NADSYN1: variants seen among roughly 807,000 people sequenced by gnomAD.
The protein encoded by NADSYN1 is glutamine-dependent NAD(+) synthetase.
In NADSYN1, 80 loss-of-function variants were observed where a neutral mutation model predicts 99.3. That is an observed-to-expected ratio of 0.81 (90% CI 0.67 to 0.97). The LOEUF (loss-of-function observed/expected upper bound fraction) is 0.97, where lower values mean the gene tolerates loss of function less well. Ranked by LOEUF, NADSYN1 falls within the 50% of genes least tolerant of loss-of-function variation. NADSYN1 has a pLI of 0.00. For missense variants in NADSYN1, 859 were observed against 948.5 expected, an observed-to-expected ratio of 0.91 and a Z score of 1.24; for synonymous variants, 385 against 372.1, an observed-to-expected ratio of 1.03 and a Z score of -0.40.
In NADSYN1 at chr11:71,481,338, G is replaced by A. The variant is rs2120472451; in HGVS notation, c.999-18G>A. On this transcript the variant is annotated intron_variant, in intron 11 of 20. Transcript: ENST00000319023. ...AGGGGCCACCGCCTCCGGGCTCCATGTTCTGATTGCCCTGCAGCCTTGGAC... is the reference window on the plus strand; with the variant it reads ...AGGGGCCACCGCCTCCGGGCTCCATATTCTGATTGCCCTGCAGCCTTGGAC... 5 of 1,613,794 alleles carry A rather than the reference G, an allele frequency of 3.1e-6. No homozygotes were observed. Among genetic ancestry groups the A allele is most frequent in the South Asian group, 1.1e-5 (1 of 91,072 alleles).
chr11:71,480,015 A>G (rs895371796), intron 10 of NADSYN1: 1 of 152,196 alleles, frequency 6.6e-6, no homozygotes, highest in Non-Finnish European at 1.5e-5. Context: ...GAATGTTTCC[A>G]CTTTCTGTCT....
intron 17 of NADSYN1, among the ~76,000 whole-genome samples, chr11:71,491,536 A>G (rs867332259): frequency 1.2e-4 from 18 of 152,122 alleles, no homozygotes; most frequent in Non-Finnish European, 7.4e-5. Flanking sequence ...GACATTCCCT[A>G]CAGCAGAGTC....
At chr11:71,472,300 T>G in intron 5 of NADSYN1, 149 bp from the exon 6 acceptor site, 18 of 680,816 alleles carry the variant, frequency 2.6e-5, no homozygotes, top group East Asian at 7.9e-5. Flanking sequence ...CTGAATGCGA[T>G]TGTTTATTGC....
At chr11:71,468,075 G>A (rs971966477) in intron 5 of NADSYN1, among the ~76,000 whole-genome samples, 4 of 152,200 alleles carry the variant, frequency 2.6e-5, no homozygotes, top group African/African-American at 9.6e-5. Context: ...AAAATCCGAG[G>A]AGAGAGTCAC....
At chr11:71,484,471 C>G (rs1238961438) in intron 15 of NADSYN1, 24 bp downstream of exon 15, 2 of 1,603,390 alleles carry the variant, frequency 1.2e-6, no homozygotes, top group Admixed American at 3.4e-5. Flanking sequence ...GGCCGGCGTC[C>G]CCTGGGGGTG....
intron 5 of NADSYN1, among the ~76,000 whole-genome samples, chr11:71,465,918 A>G (rs1949585779): frequency 2.6e-5 from 4 of 152,188 alleles, no homozygotes; most frequent in South Asian, 4.1e-4. Flanking sequence ...TATAATATAC[A>G]ATGAATTTTC....
At chr11:71,474,706 C>T (rs1591127915) in intron 9 of NADSYN1, 180 bp downstream of exon 9, 1 of 672,614 alleles carries the variant, frequency 1.5e-6, no homozygotes, top group East Asian at 3.0e-5. Flanking sequence ...TGTGGAGAAG[C>T]CCCCGGGGGT....
At chr11:71,466,853 C>A (rs1949594720) in intron 5 of NADSYN1, 1 of 152,130 alleles carries the variant, frequency 6.6e-6, no homozygotes. Flanking sequence ...ATACATTGAG[C>A]CTAAAAACAG....
intron 11 of NADSYN1, chr11:71,481,115 G>A (rs527314266): frequency 1.3e-4 from 84 of 649,266 alleles, no homozygotes; most frequent in South Asian, 3.5e-4. Context: ...GGTGCTGTCC[G>A]TCCATTCTGT....
intron 9 of NADSYN1, 110 bp from the exon 10 acceptor site, chr11:71,478,285 C>A: frequency 6.7e-6 from 6 of 894,950 alleles, no homozygotes; most frequent in Non-Finnish European, 7.1e-6. Flanking sequence ...AATCCAGGGT[C>A]TCAGCCCCTG....
At position 71,484,344 on chromosome 11, in the gene NADSYN1, T is replaced by C; in HGVS notation, c.1352T>C (p.Val451Ala). The C allele has an allele frequency of 6.2e-7, 1 of 1,614,182 alleles. No individual in the cohort carries two copies. The highest frequency in any genetic ancestry group is 1.6e-4 in the Middle Eastern group (1 of 6,062). ...ATCAGTCTCAACATCGATCCAGCCG[T>C]GAAGGCCGTCATGGGCATCTTCAGC... ...HHISLNIDPA[V>A]KAVMGIFSLV... is the part of the protein sequence containing the mutation. The change falls in exon 15 of 21, where the codon GTG becomes GCG. Residue 451 changes from valine (V) to alanine (A), a missense_variant. Coordinates refer to ENST00000319023, the MANE Select transcript of NADSYN1 (RefSeq NM_018161.5).
intron 5 of NADSYN1, chr11:71,464,508 C>T (rs1339502538): frequency 5.9e-6 from 1 of 169,698 alleles, no homozygotes; most frequent in African/African-American, 2.4e-5. Context: ...GGTGTACACA[C>T]TATGCAAATA....
chr11:71,485,845 G>A (rs766902561), intron 16 of NADSYN1, among the ~76,000 whole-genome samples, 197 bp downstream of exon 16: 6 of 152,092 alleles, frequency 3.9e-5, no homozygotes, highest in Non-Finnish European at 5.9e-5. Context: ...GGCTCTGGGC[G>A]CTCACCACTT....
intron 12 of NADSYN1, 79 bp downstream of exon 12, chr11:71,481,483 ATTTTTTT>A: frequency 9.3e-7 from 1 of 1,078,010 alleles, no homozygotes; most frequent in Non-Finnish European, 1.3e-6. Flanking sequence ...CAGGGTAGGG[ATTTTTTT>A]TTTTTTTTTT....
In NADSYN1 at chr11:71,501,642, A is replaced by G. The variant is rs748034346; in HGVS notation, c.*290A>G. 6.7e-6 allele frequency: 3 copies of G among 447,754 alleles called. No homozygotes were observed. Among genetic ancestry groups the G allele is most frequent in the South Asian group, 6.8e-5 (2 of 29,494 alleles). 27.7% of individuals were successfully genotyped at this position (447,754 alleles called of 1,614,324 possible). The stretch of plus-strand genomic sequence containing the variant: ...AAGCCGCCTGGGTAGGAGGGTTCCA[A>G]CCGCCGCCCCGTGTGGCATCTTTGC... On this transcript the variant is annotated 3_prime_UTR_variant, in exon 21 of 21. Coordinates refer to ENST00000319023, the MANE Select transcript of NADSYN1 (RefSeq NM_018161.5).
At position 71,478,445 on chromosome 11, in the gene NADSYN1, G is replaced by C; in HGVS notation, c.849G>C (p.Ala283=). The change falls in exon 10 of 21, where the codon GCG becomes GCC. Residue 283 remains alanine (A), a synonymous_variant. Coordinates refer to ENST00000319023, the MANE Select transcript of NADSYN1 (RefSeq NM_018161.5). ...LDLEDVRSYR[A]EISSRNLAAS... Reference sequence around the variant, plus strand: ...TGGAGGACGTCCGGAGCTACAGGGCGGAGATTTCATCTCGAAACCTGGCGG... The same window carrying C: ...TGGAGGACGTCCGGAGCTACAGGGCCGAGATTTCATCTCGAAACCTGGCGG... The C allele has an allele frequency of 1.2e-6, 2 of 1,608,652 alleles. No homozygotes were observed. The highest frequency in any genetic ancestry group is 1.7e-6 in the Non-Finnish European group (2 of 1,177,668).
rs139313943 is a variant in NADSYN1 at position 71,466,924 on chromosome 11, C to T, written c.407+2782C>T. On this transcript the variant is annotated intron_variant, in intron 5 of 20. Transcript: ENST00000319023. The stretch of plus-strand genomic sequence containing the variant: ...TGGCTTTTGCCCCAAGGGTTTCCTA[C>T]GCCTGGAGACCTTGAGTTTTATTGT... Among the ~76,000 whole-genome samples, 813 of 152,240 alleles carry T rather than the reference C, an allele frequency of 5.3e-3. 1 individual carries two copies. Among genetic ancestry groups the T allele is most frequent in the Non-Finnish European group, 8.2e-3 (560 of 68,004 alleles).
intron 18 of NADSYN1, 111 bp from the exon 19 acceptor site, chr11:71,497,372 C>G (rs1254575516): frequency 3.5e-6 from 5 of 1,416,256 alleles, no homozygotes; most frequent in Non-Finnish European, 4.9e-6. Context: ...TCCTGCCTCT[C>G]TGGGAAAGTA....
rs201911850 is a variant in NADSYN1, at chr11:71,498,488, A to G, written c.2030A>G (p.Asn677Ser). The G allele has an allele frequency of 5.7e-4, 921 of 1,614,158 alleles. 13 individuals are homozygous for G. In the South Asian group the frequency reaches 9.4e-3, roughly 17 times the overall value. The change falls in exon 20 of 21, where the codon AAC (asparagine) becomes AGC (serine). Residue 677 changes from asparagine (N) to serine (S), a missense_variant. Transcript: ENST00000319023. ...NRFDLRPFLY[N>S]TSWPWQFRCI... ...TTTGATCTGCGACCATTTCTGTACAACACAAGCTGGCCTTGGCAGTTTCGG... is the reference window on the plus strand; with the variant it reads ...TTTGATCTGCGACCATTTCTGTACAGCACAAGCTGGCCTTGGCAGTTTCGG...
Sources: allele counts gnomAD v4.1 joint callset (sites outside exome capture counted in the v4.1 genomes callset), GRCh38; gene constraint gnomAD v4.1.1; transcripts MANE v1.5; gene names NCBI Gene and HGNC (gene_info 2026-07-23, HGNC 2026-07-21).